EPHA7: variants seen among roughly 807,000 people sequenced by gnomAD.
EPHA7 encodes EPH receptor A7, also known as ephrin type-A receptor 7.
In EPHA7, 25 loss-of-function variants were observed where a neutral mutation model predicts 112.6. That is an observed-to-expected ratio of 0.22 (90% confidence interval 0.16 to 0.31). The LOEUF (loss-of-function observed/expected upper bound fraction) is 0.31, where lower values mean the gene tolerates loss of function less well. Ranked by LOEUF, EPHA7 falls within the 10% of genes least tolerant of loss-of-function variation. EPHA7 has a pLI of 1.00. For missense variants in EPHA7, 962 were observed against 1,212.6 expected, an observed-to-expected ratio of 0.79 and a Z score of 3.07; for synonymous variants, 437 against 406.5, an observed-to-expected ratio of 1.07 and a Z score of -0.90.
chr6:93,374,877 A>T (rs1235509239), intron 3 of EPHA7, among the ~76,000 whole-genome samples: 2 of 152,254 alleles, frequency 1.3e-5, no homozygotes, highest in Admixed American at 6.5e-5. Flanking sequence ...TACACATATC[A>T]GTTAATATTA....
intron 5 of EPHA7, among the ~76,000 whole-genome samples, chr6:93,273,620 G>A (rs1420413611): frequency 4.6e-5 from 7 of 151,926 alleles, no homozygotes; most frequent in Admixed American, 4.6e-4. Context: ...TAACAAAAGC[G>A]TAACGAGGGC....
chr6:93,355,012 CTAAAAACGTTTCAA>C (rs1775875051), intron 5 of EPHA7, among the ~76,000 whole-genome samples: 1 of 62,882 alleles, frequency 1.6e-5, no homozygotes, highest in Non-Finnish European at 2.7e-5. Flanking sequence ...AATCATAAAC[CTAAAAACGTTTCAA>C]ATCCACTCAC....
At chr6:93,404,179 T>A (rs1778572189) in intron 3 of EPHA7, among the ~76,000 whole-genome samples, 3 of 150,942 alleles carry the variant, frequency 2.0e-5, no homozygotes. Flanking sequence ...ATAATGATAC[T>A]ATGTTGTGTT....
chr6:93,320,910 A>C (rs1359350018), intron 5 of EPHA7, among the ~76,000 whole-genome samples: 1 of 151,954 alleles, frequency 6.6e-6, no homozygotes, highest in Non-Finnish European at 1.5e-5. Context: ...GATTCATTGA[A>C]ATATAATTTC....
chr6:93,260,051 G>A (rs1193329501), intron 9 of EPHA7, among the ~76,000 whole-genome samples: 1 of 151,858 alleles, frequency 6.6e-6, no homozygotes, highest in African/African-American at 2.4e-5. Flanking sequence ...CAGAATCAAA[G>A]AGATATCTTC....
At chr6:93,308,078 T>C (rs1423732511) in intron 5 of EPHA7, among the ~76,000 whole-genome samples, 1 of 152,120 alleles carries the variant, frequency 6.6e-6, no homozygotes, top group Non-Finnish European at 1.5e-5. Flanking sequence ...AAGCTAACAA[T>C]AATCAGTCAC....
intron 16 of EPHA7, 80 bp from the exon 17 acceptor site, chr6:93,243,620 T>A: frequency 2.1e-6 from 2 of 936,086 alleles, no homozygotes; most frequent in Non-Finnish European, 3.5e-6. Context: ...ACTGTTTAAT[T>A]AAATACGTTA....
At chr6:93,417,155 A>G (rs901289452) in intron 1 of EPHA7, among the ~76,000 whole-genome samples, 4 of 152,168 alleles carry the variant, frequency 2.6e-5, no homozygotes, top group African/African-American at 9.6e-5. Flanking sequence ...CGCTCCCTGT[A>G]GCGATGATAA....
intron 5 of EPHA7, among the ~76,000 whole-genome samples, chr6:93,311,056 C>A (rs1773509128): frequency 6.7e-6 from 1 of 150,178 alleles, no homozygotes; most frequent in Admixed American, 6.7e-5. Context: ...TTCAAGTGAT[C>A]CTCCCACATC....
At chr6:93,344,394 A>G (rs1775289461) in intron 5 of EPHA7, among the ~76,000 whole-genome samples, 1 of 151,666 alleles carries the variant, frequency 6.6e-6, no homozygotes, top group Non-Finnish European at 1.5e-5. Flanking sequence ...TGTCAAAACA[A>G]GGAGAAAACA....
intron 3 of EPHA7, among the ~76,000 whole-genome samples, chr6:93,404,053 T>G (rs1223768857): frequency 2.6e-5 from 4 of 152,076 alleles, no homozygotes; most frequent in Non-Finnish European, 2.9e-5. Context: ...GCTTCAACTG[T>G]GATAAAAATG....
chr6:93,342,502 C>T (rs576635315), intron 5 of EPHA7, among the ~76,000 whole-genome samples: 1 of 151,530 alleles, frequency 6.6e-6, no homozygotes, highest in Non-Finnish European at 1.5e-5. Flanking sequence ...TTGACTAGTC[C>T]CTAGGGTGCA....
chr6:93,333,789 T>C (rs1455252544), intron 5 of EPHA7, among the ~76,000 whole-genome samples: 1 of 151,712 alleles, frequency 6.6e-6, no homozygotes, highest in Non-Finnish European at 1.5e-5. Flanking sequence ...CTGAAAGAAA[T>C]GAGAGATAGC....
intron 5 of EPHA7, among the ~76,000 whole-genome samples, chr6:93,355,105 TTAAAA>T (rs1430528822): frequency 6.6e-6 from 1 of 152,084 alleles, no homozygotes; most frequent in Non-Finnish European, 1.5e-5. Flanking sequence ...CAACAGCATT[TTAAAA>T]TAAATAGGAT....
At chr6:93,264,510 T>G in intron 8 of EPHA7, 84 bp downstream of exon 8, 2 of 779,746 alleles carry the variant, frequency 2.6e-6, no homozygotes, top group South Asian at 2.1e-5. Flanking sequence ...TATTTAAAAT[T>G]TTATTACACT....
At position 93,291,940 on chromosome 6, in the gene EPHA7, A is replaced by G. The variant is rs1408850273; in HGVS notation, c.1325-19518T>C. ...ACACACACATCAAAATATTCAAGGT[A>G]TGTAACATACATGGAATATAATTCC... On this transcript the variant is annotated intron_variant, in intron 5 of 16. Coordinates refer to ENST00000369303, the MANE Select transcript of EPHA7 (RefSeq NM_004440.4). 2.6e-5 allele frequency among the ~76,000 whole-genome samples: 4 copies of G among 152,162 alleles called. 1 individual carries two copies. Among genetic ancestry groups the G allele is most frequent in the South Asian group, 4.1e-4 (2 of 4,836 alleles).
intron 5 of EPHA7, among the ~76,000 whole-genome samples, chr6:93,294,426 T>A (rs7774256): frequency 0.44 from 67,027 of 151,990 alleles, 15,659 homozygotes; most frequent in South Asian, 0.7. Context: ...GCTGAATTTA[T>A]ATATAACTAC....
chr6:93,287,081 A>G (rs1398510016), intron 5 of EPHA7, among the ~76,000 whole-genome samples: 2 of 152,220 alleles, frequency 1.3e-5, no homozygotes, highest in African/African-American at 2.4e-5. Flanking sequence ...CACTTAGTAT[A>G]TGCTAAATAA....
chr6:93,259,345 T>C lies in EPHA7; in HGVS notation c.1924+9A>G, dbSNP rs1296940417. ...GAACAGCTGAACGAGGAAGCTACAA[T>C]AGCCTTACCTGCACCAATCACACGC... On this transcript the variant is annotated intron_variant, in intron 10 of 16. Transcript: ENST00000369303. 1 of 1,610,682 alleles carries C rather than the reference T, an allele frequency of 6.2e-7. No individual in the cohort carries two copies. The highest frequency in any genetic ancestry group is 8.5e-7 in the Non-Finnish European group (1 of 1,177,610).
Sources: allele counts gnomAD v4.1 joint callset (sites outside exome capture counted in the v4.1 genomes callset), GRCh38; gene constraint gnomAD v4.1.1; transcripts MANE v1.5; gene names NCBI Gene and HGNC (gene_info 2026-07-23, HGNC 2026-07-21).